The following VKORC1L1 variants were observed in gnomAD, a reference collection of about 807,000 sequenced individuals.
VKORC1L1 encodes vitamin K epoxide reductase complex subunit 1-like protein 1.
VKORC1L1 carries 2 observed loss-of-function variants against 18.9 expected under a neutral mutation model. The observed-to-expected ratio is 0.11, with a 90% CI of 0.04 to 0.33. The LOEUF (loss-of-function observed/expected upper bound fraction) is 0.33, where lower values mean the gene tolerates loss of function less well. Among genes scored for constraint, VKORC1L1 ranks in the 10% least tolerant of loss-of-function variants. The probability of loss-of-function intolerance (pLI) is 1.00; values close to 1 mark genes in which losing one functional copy is unlikely to be tolerated. For synonymous variants in VKORC1L1, 96 were observed against 100.0 expected (o/e 0.96, Z 0.24); for missense variants, 123 against 224.1 (o/e 0.55, Z 2.88).
At chr7:65,915,853 A>C (rs996962598) in intron 1 of VKORC1L1, among the ~76,000 whole-genome samples, 1 of 152,080 alleles carries the variant, frequency 6.6e-6, no homozygotes, top group Non-Finnish European at 1.5e-5. Context: ...GCAGTGGCTC[A>C]CACCTGTAAT....
intron 1 of VKORC1L1, among the ~76,000 whole-genome samples, chr7:65,912,579 A>C (rs1460684938): frequency 6.6e-6 from 1 of 152,172 alleles, no homozygotes; most frequent in Non-Finnish European, 1.5e-5. Flanking sequence ...TCAACAGCTG[A>C]CTGAGGGCTC....
intron 1 of VKORC1L1, among the ~76,000 whole-genome samples, chr7:65,875,511 G>A (rs186767141): frequency 2.0e-4 from 31 of 151,980 alleles, no homozygotes; most frequent in Non-Finnish European, 4.1e-4. Context: ...TCCACCTCCC[G>A]GGTTCACTCC....
At position 65,958,142 on chromosome 7, in the gene VKORC1L1, T is replaced by G. The variant is rs1790333002; in HGVS notation, c.*3842T>G. The G allele has an allele frequency of 6.6e-6, 1 of 152,206 alleles. No individual in the cohort carries two copies. Among genetic ancestry groups the G allele is most frequent in the Non-Finnish European group, 1.5e-5 (1 of 68,036 alleles). The allele number at this position is 152,206 out of a possible 1,614,324, so 9.4% of individuals were successfully genotyped here. ...CAGACACCTCAGGCAGCACTTATGG[T>G]TTCTAATTGTGAGAACTACCCTTCC... On this transcript the variant is annotated 3_prime_UTR_variant, in exon 3 of 3. Coordinates refer to ENST00000360768, the MANE Select transcript of VKORC1L1 (RefSeq NM_173517.6).
chr7:65,909,144 ATTTTT>A (rs58181516), intron 1 of VKORC1L1, among the ~76,000 whole-genome samples: 2 of 122,632 alleles, frequency 1.6e-5, no homozygotes, highest in Non-Finnish European at 3.4e-5. Context: ...GCCCAGCCTA[ATTTTT>A]TTTTTTTTTT....
At chr7:65,931,887 G>A (rs1269884680) in intron 1 of VKORC1L1, among the ~76,000 whole-genome samples, 1 of 151,120 alleles carries the variant, frequency 6.6e-6, no homozygotes, top group African/African-American at 2.4e-5. Context: ...GGTGATCCCT[G>A]GCCTCAGCCT....
intron 2 of VKORC1L1, among the ~76,000 whole-genome samples, chr7:65,951,054 A>G (rs1039742584): frequency 5.9e-5 from 9 of 152,208 alleles, no homozygotes; most frequent in Admixed American, 5.2e-4. Context: ...ATGCCATGGT[A>G]TATACATATT....
At chr7:65,940,139 C>G (rs547851454) in intron 1 of VKORC1L1, among the ~76,000 whole-genome samples, 1 of 152,090 alleles carries the variant, frequency 6.6e-6, no homozygotes, top group African/African-American at 2.4e-5. Context: ...GTCAACCTAC[C>G]CCAGCTGCCC....
chr7:65,886,340 A>T (rs1340896047), intron 1 of VKORC1L1, among the ~76,000 whole-genome samples: 1 of 152,158 alleles, frequency 6.6e-6, no homozygotes, highest in African/African-American at 2.4e-5. Context: ...GATATGAAGG[A>T]TGTTTCCAGT....
chr7:65,927,916 GA>G (rs1789793043), intron 1 of VKORC1L1, among the ~76,000 whole-genome samples: 1 of 152,132 alleles, frequency 6.6e-6, no homozygotes, highest in African/African-American at 2.4e-5. Context: ...GGCCCCAACT[GA>G]TAGGCGCCTG....
chr7:65,932,163 A>G (rs926706259), intron 1 of VKORC1L1, among the ~76,000 whole-genome samples: 1 of 150,842 alleles, frequency 6.6e-6, no homozygotes, highest in Non-Finnish European at 1.5e-5. Flanking sequence ...AGTGGCACGA[A>G]CTCAGCTCAT....
At chr7:65,904,135 A>G (rs1365555461) in intron 1 of VKORC1L1, among the ~76,000 whole-genome samples, 1 of 152,228 alleles carries the variant, frequency 6.6e-6, no homozygotes, top group East Asian at 1.9e-4. Context: ...TAGGTTTTAT[A>G]ACACATGGGA....
intron 1 of VKORC1L1, among the ~76,000 whole-genome samples, chr7:65,925,402 T>A (rs1270485914): frequency 6.6e-6 from 1 of 152,222 alleles, no homozygotes; most frequent in Non-Finnish European, 1.5e-5. Flanking sequence ...TTGGTCTCAC[T>A]CTTTCCAGTT....
In VKORC1L1 at chr7:65,911,952, A is replaced by G. The variant is rs897217531; in HGVS notation, c.195-36719A>G. Reference sequence around the variant, plus strand: ...TGCATCTTTTTAAAGGATTTATTTGATACCTATTATATCACACAACAGGGC... The same window carrying G: ...TGCATCTTTTTAAAGGATTTATTTGGTACCTATTATATCACACAACAGGGC... On this transcript the variant is annotated intron_variant, in intron 1 of 2. Transcript: ENST00000360768. Among the ~76,000 whole-genome samples the G allele has an allele frequency of 2.0e-5, 3 of 152,174 alleles. No homozygotes were observed. In the East Asian group the frequency reaches 5.8e-4, roughly 29 times the overall value.
intron 1 of VKORC1L1, among the ~76,000 whole-genome samples, chr7:65,915,854 C>T (rs558839894): frequency 1.3e-5 from 2 of 152,158 alleles, no homozygotes; most frequent in South Asian, 4.1e-4. Flanking sequence ...CAGTGGCTCA[C>T]ACCTGTAATC....
At chr7:65,891,878 T>A (rs1240220721) in intron 1 of VKORC1L1, among the ~76,000 whole-genome samples, 1 of 152,216 alleles carries the variant, frequency 6.6e-6, no homozygotes, top group Non-Finnish European at 1.5e-5. Context: ...GTTGCCCTAT[T>A]GTGGTACTGA....
In VKORC1L1 at chr7:65,873,512, G is replaced by A; in HGVS notation, c.141G>A (p.Arg47=). 1.3e-6 allele frequency: 2 copies of A among 1,591,636 alleles called. No homozygotes were observed. The highest frequency in any genetic ancestry group is 1.4e-5 in the African/African-American group (1 of 73,692). Residue 47 remains arginine (R), a synonymous_variant, in exon 1 of 3, where the codon CGG becomes CGA. Coordinates refer to ENST00000360768, the MANE Select transcript of VKORC1L1 (RefSeq NM_173517.6). ...AGAAGGAGCGGGACCCCGAGCACCG[G>A]GCCCTCTGCGACCTGGGGCCCTGGG... The part of the protein sequence containing the change: ...EREKERDPEH[R]ALCDLGPWVK...
At chr7:65,922,325 GAGTGC>G (rs1789691184) in intron 1 of VKORC1L1, among the ~76,000 whole-genome samples, 1 of 150,746 alleles carries the variant, frequency 6.6e-6, no homozygotes, top group Non-Finnish European at 1.5e-5. Context: ...ACCCAGGCTA[GAGTGC>G]AGTGCAGTCG....
upstream of VKORC1L1, among the ~76,000 whole-genome samples, chr7:65,868,395 C>T (rs965488060): frequency 1.3e-5 from 2 of 152,116 alleles, no homozygotes; most frequent in African/African-American, 4.8e-5. Flanking sequence ...TTAGTACAAC[C>T]ATTACAGAAA....
At chr7:65,918,529 C>A (rs1391874408) in intron 1 of VKORC1L1, among the ~76,000 whole-genome samples, 1 of 152,152 alleles carries the variant, frequency 6.6e-6, no homozygotes, top group East Asian at 1.9e-4. Context: ...AGAGTCAAAC[C>A]TAGAGAAATG....
Sources: allele counts gnomAD v4.1 joint callset (sites outside exome capture counted in the v4.1 genomes callset), GRCh38; gene constraint gnomAD v4.1.1; transcripts MANE v1.5; gene names NCBI Gene and HGNC (gene_info 2026-07-23, HGNC 2026-07-21).